Variants in GSE1 observed in about 807,000 individuals in gnomAD.
GSE1 encodes genetic suppressor element 1.
Under a neutral mutation model 112.6 loss-of-function variants are expected in GSE1, and 32 were observed. The ratio of observed to expected loss-of-function variants is 0.28; its 90% CI spans 0.21 to 0.38. The LOEUF is 0.38. Among genes scored for constraint, GSE1 ranks in the 10% least tolerant of loss-of-function variants. The pLI is 1.00. For synonymous variants in GSE1, 1,115 were observed against 735.6 expected (o/e 1.52, Z -8.35); for missense variants, 2,348 against 1,699.2 (o/e 1.38, Z -6.71).
chr16:85,179,114 C>G (rs2074528682), intron 1 of GSE1, among the ~76,000 whole-genome samples: 1 of 152,116 alleles, frequency 6.6e-6, no homozygotes, highest in African/African-American at 2.4e-5. Flanking sequence ...CAGAACATTC[C>G]CATCACCCCC....
intron 2 of GSE1, among the ~76,000 whole-genome samples, chr16:85,481,953 C>T (rs2050693889): frequency 6.6e-6 from 1 of 152,252 alleles, no homozygotes; most frequent in Non-Finnish European, 1.5e-5. Flanking sequence ...CCGGCCTGCT[C>T]CTCAAGGCCC....
At chr16:85,244,867 T>G (rs911954207) in intron 1 of GSE1, among the ~76,000 whole-genome samples, 2 of 151,938 alleles carry the variant, frequency 1.3e-5, no homozygotes, top group African/African-American at 4.8e-5. Context: ...GGCACATGCC[T>G]GTAGTCCCAG....
At chr16:85,371,120 C>T (rs961537559) in intron 2 of GSE1, among the ~76,000 whole-genome samples, 1 of 152,230 alleles carries the variant, frequency 6.6e-6, no homozygotes, top group African/African-American at 2.4e-5. Context: ...ACCCTCGCTG[C>T]TCCGCCCCCC....
upstream of GSE1, among the ~76,000 whole-genome samples, chr16:85,553,989 G>A (rs1237446481): frequency 1.3e-5 from 2 of 152,204 alleles, no homozygotes; most frequent in Non-Finnish European, 2.9e-5. Flanking sequence ...GTACCTGCGG[G>A]CTCAGGTCTG....
At chr16:85,355,393 G>T (rs2151567886) in intron 1 of GSE1, among the ~76,000 whole-genome samples, 2 of 152,274 alleles carry the variant, frequency 1.3e-5, no homozygotes, top group East Asian at 1.9e-4. Flanking sequence ...CCAGACGGCA[G>T]GCCCTTAGCC....
At chr16:85,269,565 G>C (rs1003849227) in intron 1 of GSE1, among the ~76,000 whole-genome samples, 2 of 149,278 alleles carry the variant, frequency 1.3e-5, no homozygotes, top group African/African-American at 2.4e-5. Context: ...TGGGGCTGGG[G>C]ACCCAGGACA....
chr16:85,632,537 G>T (rs1389659384), intron 1 of GSE1, among the ~76,000 whole-genome samples: 1 of 152,180 alleles, frequency 6.6e-6, no homozygotes, highest in African/African-American at 2.4e-5. Context: ...TCTTGAGGGG[G>T]TCCTCTCCAC....
chr16:85,493,035 G>C (rs11863553), intron 2 of GSE1, among the ~76,000 whole-genome samples: 26,410 of 152,186 alleles, frequency 0.17, 2,431 homozygotes, highest in African/African-American at 0.23. Context: ...TGGAGCCACA[G>C]GGCTGGTGCC....
chr16:85,332,900 C>A (rs976988399), intron 1 of GSE1, among the ~76,000 whole-genome samples: 10 of 152,064 alleles, frequency 6.6e-5, no homozygotes, highest in Non-Finnish European at 1.2e-4. Context: ...CCTCAGAACC[C>A]CCCTTTATCC....
chr16:85,215,354 A>C (rs1389553023), intron 1 of GSE1, among the ~76,000 whole-genome samples: 1 of 152,176 alleles, frequency 6.6e-6, no homozygotes, highest in Non-Finnish European at 1.5e-5. Context: ...CTAAGCTATG[A>C]GTCCACACGG....
intron 1 of GSE1, among the ~76,000 whole-genome samples, chr16:85,212,371 A>C (rs1333584220): frequency 6.6e-6 from 1 of 152,156 alleles, no homozygotes; most frequent in Admixed American, 6.5e-5. Context: ...GCGCCACTGC[A>C]CTCCAACCTG....
intron 1 of GSE1, among the ~76,000 whole-genome samples, chr16:85,204,004 G>A (rs2075073878): frequency 6.6e-6 from 1 of 152,180 alleles, no homozygotes; most frequent in Non-Finnish European, 1.5e-5. Context: ...GGCTCAAGCA[G>A]TCTTTCTGCC....
chr16:85,583,172 C>T (rs1465985012), intron 1 of GSE1, among the ~76,000 whole-genome samples: 2 of 152,160 alleles, frequency 1.3e-5, no homozygotes, highest in African/African-American at 4.8e-5. Context: ...TTGATTCCAA[C>T]CCTGTTCCCC....
chr16:85,637,321 G>A (rs944358734), intron 2 of GSE1, among the ~76,000 whole-genome samples: 6 of 152,228 alleles, frequency 3.9e-5, no homozygotes, highest in Admixed American at 6.5e-5. Context: ...CATCTGCGGC[G>A]TGACAGCCCT....
chr16:85,667,756 G>A (rs1228396551), intron 13 of GSE1, among the ~76,000 whole-genome samples: 2 of 152,192 alleles, frequency 1.3e-5, no homozygotes, highest in East Asian at 1.9e-4. Context: ...CCACTCCGGA[G>A]GCTGAGGCAG....
chr16:85,238,590 C>T (rs868731243), intron 1 of GSE1, among the ~76,000 whole-genome samples: 5 of 152,174 alleles, frequency 3.3e-5, no homozygotes, highest in African/African-American at 7.2e-5. Flanking sequence ...CCACTGGGGC[C>T]GCCAGCCTCT....
intron 3 of GSE1, among the ~76,000 whole-genome samples, chr16:85,653,875 G>C (rs1198935349): frequency 6.6e-6 from 1 of 152,222 alleles, no homozygotes; most frequent in Non-Finnish European, 1.5e-5. Flanking sequence ...GGCGTGCTGG[G>C]TGCCAACGGT....
chr16:85,410,473 AATG>A, intron 2 of GSE1, among the ~76,000 whole-genome samples: 1 of 8,774 alleles, frequency 1.1e-4, no homozygotes, highest in Non-Finnish European at 2.6e-4. Context: ...CCCCCTGGAT[AATG>A]CTCACTGTTA....
chr16:85,474,023 G>A (rs1417568407), intron 2 of GSE1, among the ~76,000 whole-genome samples: 1 of 152,162 alleles, frequency 6.6e-6, no homozygotes, highest in Non-Finnish European at 1.5e-5. Context: ...CGGGCAGGGT[G>A]TGACATAGGG....
Sources: allele counts gnomAD v4.1 joint callset (sites outside exome capture counted in the v4.1 genomes callset), GRCh38; gene constraint gnomAD v4.1.1; transcripts MANE v1.5; gene names NCBI Gene and HGNC (gene_info 2026-07-23, HGNC 2026-07-21).